Variants in ARSH observed in about 807,000 individuals in gnomAD.
ARSH encodes the protein arylsulfatase family member H, also known as arylsulfatase H.
In ARSH, 32 loss-of-function variants were observed where a neutral mutation model predicts 28.7. That is an observed-to-expected ratio of 1.11 (90% CI 0.84 to 1.50). The LOEUF (loss-of-function observed/expected upper bound fraction) is 1.50. Among genes scored for constraint, ARSH ranks in the 40% most tolerant of loss-of-function variants. The pLI, the probability that ARSH is intolerant of heterozygous loss-of-function variation, is 0.00. For missense variants in ARSH, 440 were observed against 452.4 expected (o/e 0.97, Z 0.25); for synonymous variants, 176 against 177.3 (o/e 0.99, Z 0.06).
chrX:3,013,188 T>G lies in ARSH; in HGVS notation c.340+16T>G. 2 of 1,197,443 alleles carry G rather than the reference T, an allele frequency of 1.7e-6. No individual in the cohort carries two copies. Among genetic ancestry groups the G allele is most frequent in the East Asian group, 6.0e-5 (2 of 33,092 alleles). ...GGACTCATAGGTATGGCGCCGGAACTCTGCCCGTGGAAACGTGATCCTGCA... is the reference window on the plus strand; with the variant it reads ...GGACTCATAGGTATGGCGCCGGAACGCTGCCCGTGGAAACGTGATCCTGCA... On this transcript the variant is annotated intron_variant, in intron 3 of 8. Transcript: ENST00000381130.
In ARSH at chrX:3,024,163, T is replaced by C; in HGVS notation, c.1036+8T>C. Reference sequence around the variant, plus strand: ...GGAACGGGATCTACAAAGGTGATTGTGTGTAGAGAACCAACGCCTGTCCAT... The same window carrying C: ...GGAACGGGATCTACAAAGGTGATTGCGTGTAGAGAACCAACGCCTGTCCAT... On this transcript the variant is annotated splice_region_variant and intron_variant, in intron 6 of 8. Coordinates refer to ENST00000381130, the MANE Select transcript of ARSH (RefSeq NM_001011719.2). The C allele has an allele frequency of 8.6e-7, 1 of 1,168,754 alleles. No individual in the cohort carries two copies. The highest frequency in any genetic ancestry group is 1.1e-6 in the Non-Finnish European group (1 of 876,206).
chrX:3,017,945 T>C (rs1452125978), intron 4 of ARSH, among the ~76,000 whole-genome samples: 2 of 112,679 alleles, frequency 1.8e-5, no homozygotes, highest in Non-Finnish European at 3.7e-5. Context: ...AAGCTGCTAC[T>C]TTATGTCAGA....
chrX:3,024,508 C>T (rs2089893597), intron 6 of ARSH, among the ~76,000 whole-genome samples: 2 of 110,673 alleles, frequency 1.8e-5, no homozygotes, highest in African/African-American at 6.6e-5. Flanking sequence ...GCTCCACCCA[C>T]ACATGCCAGT....
intron 5 of ARSH, among the ~76,000 whole-genome samples, chrX:3,023,088 C>A: frequency 9.9e-6 from 1 of 101,378 alleles, no homozygotes; most frequent in Non-Finnish European, 2.0e-5. Context: ...TATAATAAAC[C>A]AGTACTTTAT....
intron 1 of ARSH, among the ~76,000 whole-genome samples, chrX:3,009,278 A>G (rs934295269): frequency 4.5e-5 from 5 of 110,100 alleles, no homozygotes; most frequent in African/African-American, 1.7e-4. Context: ...GGAGTTCAAG[A>G]CTAGCTTGGC....
At chrX:3,025,228 T>C (rs2089895867) in intron 6 of ARSH, among the ~76,000 whole-genome samples, 1 of 107,469 alleles carries the variant, frequency 9.3e-6, no homozygotes, top group African/African-American at 3.3e-5. Context: ...ATAATACATG[T>C]AATTTTACAT....
chrX:3,007,441 A>G (rs1299562771), intron 1 of ARSH, among the ~76,000 whole-genome samples: 2 of 110,941 alleles, frequency 1.8e-5, no homozygotes, highest in African/African-American at 6.6e-5. Flanking sequence ...TTTCATATAC[A>G]AGTAATCATA....
chrX:3,024,370 G>A (rs1432119459), intron 6 of ARSH, among the ~76,000 whole-genome samples: 1 of 110,255 alleles, frequency 9.1e-6, no homozygotes, highest in Non-Finnish European at 1.9e-5. Flanking sequence ...AACCCCAGGA[G>A]ACAGCACAGC....
At chrX:3,027,073 T>G (rs1284403256) in intron 6 of ARSH, among the ~76,000 whole-genome samples, 1 of 110,781 alleles carries the variant, frequency 9.0e-6, no homozygotes, top group Non-Finnish European at 1.9e-5. Flanking sequence ...TTCTCCTGCC[T>G]CAGCCTCCCA....
chrX:3,014,944 A>G (rs1164809692), intron 3 of ARSH, 26 bp from the exon 4 acceptor site: 7 of 1,191,206 alleles, frequency 5.9e-6, no homozygotes, highest in Non-Finnish European at 6.8e-6. Context: ...CCATGCTGCC[A>G]TGGTACGATT....
chrX:3,033,395 G>T lies in ARSH; in HGVS notation c.*10G>T. On this transcript the variant is annotated 3_prime_UTR_variant, in exon 9 of 9. Transcript: ENST00000381130. ...TCCCATGGCTCCCTGAGACCATGCGGACCACGTGTTACCCACCACAAACTT... is the reference window on the plus strand; with the variant it reads ...TCCCATGGCTCCCTGAGACCATGCGTACCACGTGTTACCCACCACAAACTT... 8.4e-7 allele frequency: 1 copy of T among 1,185,530 alleles called. No individual in the cohort carries two copies. The highest frequency in any genetic ancestry group is 1.9e-5 in the South Asian group (1 of 52,523).
rs1319641471 is a variant in ARSH at position 3,006,663 on chromosome X, T to C, written c.51T>C (p.Leu17=). 4.1e-6 allele frequency: 5 copies of C among 1,208,944 alleles called. No homozygotes were observed. Among genetic ancestry groups the C allele is most frequent in the Non-Finnish European group, 5.6e-6 (5 of 894,927 alleles). Residue 17 remains leucine (L), a synonymous_variant, in exon 1 of 9, where the codon CTT becomes CTC. Transcript: ENST00000381130. ...TTGTCCTGCTGATGGCAGATGACCT[T>C]GGAGTGGGGGATTTGTGCTGCTACG... ...PNIVLLMADD[L]GVGDLCCYGN...
At chrX:3,011,799 A>C (rs1018667119) in intron 2 of ARSH, among the ~76,000 whole-genome samples, 1 of 111,655 alleles carries the variant, frequency 9.0e-6, no homozygotes, top group Non-Finnish European at 1.9e-5. Context: ...CAATGACACT[A>C]TCTAGAGTCT....
intron 5 of ARSH, among the ~76,000 whole-genome samples, chrX:3,021,708 T>TA (rs386416485): frequency 1.2e-4 from 1 of 8,154 alleles, no homozygotes; most frequent in African/African-American, 1.4e-3. Flanking sequence ...CTTTTAGTCC[T>TA]TTTTTTTTTT....
chrX:3,016,783 T>C, intron 4 of ARSH, among the ~76,000 whole-genome samples: 1 of 110,590 alleles, frequency 9.0e-6, no homozygotes. Context: ...AAGGTCTTGC[T>C]ATGTTGCCCA....
At position 3,006,809 on chromosome X, in the gene ARSH, C is replaced by T. The variant is rs760579951; in HGVS notation, c.92+105C>T. On this transcript the variant is annotated intron_variant, in intron 1 of 8. Coordinates refer to ENST00000381130, the MANE Select transcript of ARSH (RefSeq NM_001011719.2). ...AGGGTTTCTGGAGAGAAGTCATTGT[C>T]TGATGTTATCGGCAGGAATAGCAGA... 34 of 668,279 alleles carry T rather than the reference C, an allele frequency of 5.1e-5. No homozygotes were observed. The South Asian group carries it at 1.2e-3, about 24-fold the overall frequency. 55.1% of individuals were successfully genotyped at this position (668,279 alleles called of 1,213,427 possible). A position where few individuals can be genotyped will look rare whatever the true frequency, so the allele number is the denominator to read the frequency against.
chrX:3,028,883 G>C (rs1231465076), intron 7 of ARSH, among the ~76,000 whole-genome samples: 1 of 109,837 alleles, frequency 9.1e-6, no homozygotes, highest in African/African-American at 3.3e-5. Context: ...TTCGAGACCA[G>C]CCTGGCCAAC....
chrX:3,027,482 A>T lies in ARSH; in HGVS notation c.1199+7A>T. On this transcript the variant is annotated splice_region_variant and intron_variant, in intron 7 of 8. Coordinates refer to ENST00000381130, the MANE Select transcript of ARSH (RefSeq NM_001011719.2). ...GGATCTTGTCCCAGGACAGGTATGGAAACAGTGTTTGCTCCTAACCTAGGG... is the reference window on the plus strand; with the variant it reads ...GGATCTTGTCCCAGGACAGGTATGGTAACAGTGTTTGCTCCTAACCTAGGG... 1 of 1,207,292 alleles carries T rather than the reference A, an allele frequency of 8.3e-7. No individual in the cohort carries two copies. The highest frequency in any genetic ancestry group is 1.1e-6 in the Non-Finnish European group (1 of 892,869).
intron 1 of ARSH, 22 bp downstream of exon 1, chrX:3,006,726 C>G (rs760912009): frequency 3.5e-6 from 4 of 1,155,213 alleles, no homozygotes; most frequent in Non-Finnish European, 3.5e-6. Flanking sequence ...CTCTGACCCC[C>G]TCCCTGTATG....
Sources: allele counts gnomAD v4.1 joint callset (sites outside exome capture counted in the v4.1 genomes callset), GRCh38; gene constraint gnomAD v4.1.1; transcripts MANE v1.5; gene names NCBI Gene and HGNC (gene_info 2026-07-23, HGNC 2026-07-21).